Variants in SGIP1 observed in about 807,000 individuals in gnomAD.
The protein encoded by SGIP1 is SH3GL interacting endocytic adaptor 1.
SGIP1 carries 38 observed loss-of-function variants against 107.5 expected under a neutral mutation model. The ratio of observed to expected loss-of-function variants is 0.35; its 90% CI spans 0.27 to 0.46. The LOEUF (loss-of-function observed/expected upper bound fraction) is 0.46. SGIP1 is among the 20% of genes least tolerant of loss of function. SGIP1 has a pLI of 1.00. For synonymous variants in SGIP1, 365 were observed against 366.1 expected (o/e 1.00, Z 0.03); for missense variants, 929 against 1,019.5 (o/e 0.91, Z 1.21).
chr1:66,659,950 A>AAGAAAAAAAAGAAAGAAAG (rs752459188), intron 7 of SGIP1, among the ~76,000 whole-genome samples: 2 of 43,036 alleles, frequency 4.6e-5, no homozygotes, highest in African/African-American at 2.5e-4. Flanking sequence ...AAAAGAAAGA[A>AAGAAAAAAAAGAAAGAAAG]AAAGAAAGAA....
At chr1:66,669,440 A>G (rs139837560) in intron 9 of SGIP1, among the ~76,000 whole-genome samples, 5 of 152,290 alleles carry the variant, frequency 3.3e-5, no homozygotes, top group Non-Finnish European at 7.4e-5. Context: ...CCTCAATGCC[A>G]TTTATTAATC....
chr1:66,640,200 C>A (rs896986364), intron 5 of SGIP1, among the ~76,000 whole-genome samples: 4 of 152,064 alleles, frequency 2.6e-5, no homozygotes, highest in South Asian at 2.1e-4. Context: ...CTGTGTGTGG[C>A]CTTGGAGTAG....
At chr1:66,724,920 T>C (rs1341404064) in intron 19 of SGIP1, among the ~76,000 whole-genome samples, 1 of 152,192 alleles carries the variant, frequency 6.6e-6, no homozygotes, top group African/African-American at 2.4e-5. Context: ...TTATAAGTGC[T>C]CTAATTGTTT....
At chr1:66,617,628 C>T (rs2069718313) in intron 1 of SGIP1, among the ~76,000 whole-genome samples, 1 of 152,164 alleles carries the variant, frequency 6.6e-6, no homozygotes, top group Non-Finnish European at 1.5e-5. Context: ...AATTCCATTA[C>T]ATGTGATTCA....
intron 7 of SGIP1, among the ~76,000 whole-genome samples, chr1:66,652,952 T>C (rs925713282): frequency 2.0e-5 from 3 of 152,188 alleles, no homozygotes; most frequent in Non-Finnish European, 4.4e-5. Context: ...GAAAGCTTCG[T>C]AGGGCAAATG....
At chr1:66,572,662 C>T (rs1465737087) in intron 1 of SGIP1, among the ~76,000 whole-genome samples, 1 of 151,976 alleles carries the variant, frequency 6.6e-6, no homozygotes, top group Non-Finnish European at 1.5e-5. Context: ...TTCAAGCTCT[C>T]TGAGTGATTT....
chr1:66,727,573 G>T (rs571686937), intron 19 of SGIP1, among the ~76,000 whole-genome samples: 4 of 152,106 alleles, frequency 2.6e-5, no homozygotes, highest in African/African-American at 9.7e-5. Flanking sequence ...ACTAATACCC[G>T]TACACGCGTA....
chr1:66,563,214 A>G (rs1227492662), intron 1 of SGIP1, among the ~76,000 whole-genome samples: 1 of 152,004 alleles, frequency 6.6e-6, no homozygotes. Context: ...CCTTGGGATA[A>G]TAGGGGAGGG....
Position 66,593,500 on chromosome 1 carries a change from T to C in SGIP1, c.11-32347T>C, listed in dbSNP as rs555826406. Among the ~76,000 whole-genome samples, 419 of 152,332 alleles carry C rather than the reference T, an allele frequency of 2.8e-3. 1 individual carries two copies. The highest frequency in any genetic ancestry group is 4.8e-3 in the Non-Finnish European group (325 of 68,036). On this transcript the variant is annotated intron_variant, in intron 1 of 24. Transcript: ENST00000371037. ...TTGTGTCATAGCACTTACTACAACA[T>C]GTGGCTGATTTGACACATAGCTCCC...
intron 1 of SGIP1, among the ~76,000 whole-genome samples, chr1:66,569,853 G>A (rs1257767610): frequency 6.6e-6 from 1 of 151,616 alleles, no homozygotes; most frequent in African/African-American, 2.4e-5. Flanking sequence ...ATCCAGGCCT[G>A]GTGCATTCTG....
chr1:66,643,797 T>G (rs2077182229), intron 7 of SGIP1, 78 bp downstream of exon 7: 1 of 1,309,936 alleles, frequency 7.6e-7, no homozygotes, highest in Non-Finnish European at 1.0e-6. Context: ...ATTAAGTCAA[T>G]CAGAAACTCC....
intron 1 of SGIP1, among the ~76,000 whole-genome samples, chr1:66,538,959 A>T (rs1010298476): frequency 3.3e-5 from 5 of 152,218 alleles, no homozygotes; most frequent in African/African-American, 1.2e-4. Flanking sequence ...GAAGTTTTAG[A>T]TACTCATGAC....
chr1:66,572,493 TC>T (rs1303991982), intron 1 of SGIP1, among the ~76,000 whole-genome samples: 1 of 152,064 alleles, frequency 6.6e-6, no homozygotes, highest in East Asian at 1.9e-4. Context: ...CTTGGGTTCC[TC>T]CCCGAAATAT....
At position 66,750,841 on chromosome 1, in the gene SGIP1, T is replaced by C. The variant is rs550162898; in HGVS notation, c.*7746T>C. 2.6e-5 allele frequency among the ~76,000 whole-genome samples: 4 copies of C among 152,342 alleles called. No individual in the cohort carries two copies. Among genetic ancestry groups the C allele is most frequent in the African/African-American group, 9.6e-5 (4 of 41,574 alleles). ...GCAATGGTGACAGGAAAGTGTGTAA[T>C]TGACTTGTTGAAGATAATCATGAGA... On this transcript the variant is annotated 3_prime_UTR_variant, in exon 25 of 25. Transcript: ENST00000371037.
At chr1:66,601,584 A>G (rs2065845458) in intron 1 of SGIP1, among the ~76,000 whole-genome samples, 1 of 152,130 alleles carries the variant, frequency 6.6e-6, no homozygotes. Context: ...ACAATCTATA[A>G]TGAGAAGAAA....
chr1:66,638,374 A>G (rs1407961502), intron 4 of SGIP1, among the ~76,000 whole-genome samples: 1 of 152,220 alleles, frequency 6.6e-6, no homozygotes. Flanking sequence ...ACCTTTGTTC[A>G]AAGTAGAAAA....
At chr1:66,668,029 T>G (rs1366330769) in intron 9 of SGIP1, among the ~76,000 whole-genome samples, 1 of 152,212 alleles carries the variant, frequency 6.6e-6, no homozygotes, top group African/African-American at 2.4e-5. Flanking sequence ...CATTATAATT[T>G]CCATCTTGGG....
rs1334036294 is a variant in SGIP1, at chr1:66,742,532, C to T, written c.2465-541C>T. Reference sequence around the variant, plus strand: ...TCGCCCAGGCTGGAGTGCAGTGGCGCTATCCCGGCTCACTGCAAGCTCCGC... The same window carrying T: ...TCGCCCAGGCTGGAGTGCAGTGGCGTTATCCCGGCTCACTGCAAGCTCCGC... On this transcript the variant is annotated intron_variant, in intron 24 of 24. Coordinates refer to ENST00000371037, the MANE Select transcript of SGIP1 (RefSeq NM_032291.4). Among the ~76,000 whole-genome samples the T allele has an allele frequency of 2.5e-5, 3 of 120,772 alleles. No homozygotes were observed. The East Asian group carries it at 6.9e-4, about 28-fold the overall frequency. 79.2% of individuals were successfully genotyped at this position (120,772 alleles called of 152,430 possible).
At chr1:66,669,033 C>A (rs1414426684) in intron 9 of SGIP1, among the ~76,000 whole-genome samples, 1 of 152,212 alleles carries the variant, frequency 6.6e-6, no homozygotes, top group African/African-American at 2.4e-5. Flanking sequence ...GATAGCAGGA[C>A]TTTCTTTTCT....
Sources: gnomAD v4.1 joint callset for allele counts (sites outside exome capture counted in the v4.1 genomes callset) on GRCh38, gnomAD v4.1.1 for gene constraint, MANE v1.5 for transcripts, NCBI Gene and HGNC (gene_info 2026-07-23, HGNC 2026-07-21) for gene names.